Variants in ANKRD36B observed in about 807,000 individuals in gnomAD.
ANKRD36B encodes the protein ankyrin repeat domain-containing protein 36B.
In ANKRD36B, 37 loss-of-function variants were observed where a neutral mutation model predicts 135.7. The observed-to-expected ratio is 0.27, with a 90% CI of 0.21 to 0.36. The LOEUF (loss-of-function observed/expected upper bound fraction) is 0.36. Ranked by LOEUF, ANKRD36B falls within the 10% of genes least tolerant of loss-of-function variation. ANKRD36B has a pLI of 1.00. For synonymous variants in ANKRD36B, 179 were observed against 348.1 expected, an observed-to-expected ratio of 0.51 and a Z score of 5.41; for missense variants, 549 against 1,037.1, an observed-to-expected ratio of 0.53 and a Z score of 6.46.
At chr2:97,549,231 G>A (rs983338403) in intron 20 of ANKRD36B, among the ~76,000 whole-genome samples, 188 bp downstream of exon 20, 11 of 137,332 alleles carry the variant, frequency 8.0e-5, no homozygotes, top group African/African-American at 7.7e-5. Flanking sequence ...TACAGCGAAG[G>A]TCATGTTCCA....
At chr2:97,546,536 T>C (rs1185404387) in intron 22 of ANKRD36B, among the ~76,000 whole-genome samples, 1 of 151,802 alleles carries the variant, frequency 6.6e-6, no homozygotes. Context: ...AAGGATAATA[T>C]ATTAGCCTCA....
At chr2:97,531,234 T>G (rs374143011) in intron 35 of ANKRD36B, among the ~76,000 whole-genome samples, 1 of 89,208 alleles carries the variant, frequency 1.1e-5, no homozygotes, top group African/African-American at 3.3e-5. Flanking sequence ...CCATAAAAAA[T>G]GATGAGTTCA....
At chr2:97,560,785 T>G in intron 7 of ANKRD36B, 47 bp downstream of exon 7, 4 of 1,591,140 alleles carry the variant, frequency 2.5e-6, no homozygotes, top group Non-Finnish European at 3.4e-6. Context: ...GTAGGTTTCA[T>G]AGACTATACA....
In ANKRD36B at chr2:97,585,712, G is replaced by A. The variant is rs1055738468; in HGVS notation, c.162-314C>T. ...TAGCTAGCCCACAGAACACTGCTGT[G>A]ATGCTTACATAAGAATCTATGCACA... On this transcript the variant is annotated intron_variant, in intron 1 of 43. Coordinates refer to ENST00000359901, the MANE Select transcript of ANKRD36B (RefSeq NM_001393939.1). 5.3e-4 allele frequency among the ~76,000 whole-genome samples: 80 copies of A among 152,200 alleles called. 1 individual carries two copies. Among genetic ancestry groups the A allele is most frequent in the Admixed American group, 9.8e-4 (15 of 15,288 alleles).
In ANKRD36B at chr2:97,555,047, T is replaced by G; in HGVS notation, c.1171+13A>C. 1 of 1,611,340 alleles carries G rather than the reference T, an allele frequency of 6.2e-7. No homozygotes were observed. Among genetic ancestry groups the G allele is most frequent in the South Asian group, 1.1e-5 (1 of 90,994 alleles). ...GGACTGAACATGACATTAAATGTGT[T>G]TTGCAAAATTACCTGTCCCACATTG... On this transcript the variant is annotated intron_variant, in intron 14 of 43. Coordinates refer to ENST00000359901, the MANE Select transcript of ANKRD36B (RefSeq NM_001393939.1).
chr2:97,561,006 G>T (rs1432443312), intron 6 of ANKRD36B, 146 bp from the exon 7 acceptor site: 1 of 722,630 alleles, frequency 1.4e-6, no homozygotes, highest in South Asian at 2.0e-5. Flanking sequence ...TTTGTTTCTT[G>T]GGACTAAACA....
At position 97,528,812 on chromosome 2, in the gene ANKRD36B, G is replaced by C. The variant is rs1264337309; in HGVS notation, c.2265+3499C>G. ...TAAACTAGAAAATCTAGAAGAAATG[G>C]ATAAATTCCTGGACACATACACCCT... On this transcript the variant is annotated intron_variant, in intron 35 of 43. Transcript: ENST00000359901. Among the ~76,000 whole-genome samples, 6 of 95,030 alleles carry C rather than the reference G, an allele frequency of 6.3e-5. 1 individual carries two copies. Among genetic ancestry groups the C allele is most frequent in the African/African-American group, 1.6e-4 (5 of 31,572 alleles). 62.3% of individuals were successfully genotyped at this position (95,030 alleles called of 152,430 possible).
At chr2:97,561,536 T>C (rs2081024961) in intron 6 of ANKRD36B, among the ~76,000 whole-genome samples, 2 of 151,930 alleles carry the variant, frequency 1.3e-5, no homozygotes, top group Non-Finnish European at 2.9e-5. Context: ...GTATAATATA[T>C]AAACTTCATC....
chr2:97,553,863 C>T (rs1006386795), intron 14 of ANKRD36B, among the ~76,000 whole-genome samples: 2 of 151,844 alleles, frequency 1.3e-5, no homozygotes, highest in Admixed American at 6.6e-5. Context: ...ATGTACACGT[C>T]ATGTCTCTGT....
chr2:97,546,318 C>A (rs1287596620), intron 22 of ANKRD36B, among the ~76,000 whole-genome samples: 1 of 151,764 alleles, frequency 6.6e-6, no homozygotes, highest in African/African-American at 2.4e-5. Flanking sequence ...TGAGAAGGCA[C>A]AGAATTACGA....
intron 6 of ANKRD36B, among the ~76,000 whole-genome samples, chr2:97,568,661 TAAAG>T (rs926862078): frequency 6.6e-6 from 1 of 152,150 alleles, no homozygotes; most frequent in Non-Finnish European, 1.5e-5. Context: ...GAGAAGCTTA[TAAAG>T]AAATACTGGG....
At chr2:97,561,208 G>A (rs71429359) in intron 6 of ANKRD36B, among the ~76,000 whole-genome samples, 2 of 151,864 alleles carry the variant, frequency 1.3e-5, no homozygotes, top group Non-Finnish European at 2.9e-5. Context: ...CTGGGAATCA[G>A]CGTCAAAGCA....
In ANKRD36B at chr2:97,556,952, C is replaced by T; in HGVS notation, c.1054G>A (p.Gly352Arg). Residue 352 changes from glycine (G) to arginine (R), a missense_variant, in exon 12 of 44, where the codon GGG becomes AGG. By Grantham distance (125) the Gly-to-Arg change is moderately radical. Coordinates refer to ENST00000359901, the MANE Select transcript of ANKRD36B (RefSeq NM_001393939.1). Reference sequence around the variant, plus strand: ...GCCAAATTACCTGTTCCAGATTTCCCACCGCCCATTATTCTTGTGGCAATA... The same window carrying T: ...GCCAAATTACCTGTTCCAGATTTCCTACCGCCCATTATTCTTGTGGCAATA... ...LNIATRIMGG[G>R]KSGTVSSQKQ... The T allele has an allele frequency of 6.3e-7, 1 of 1,591,286 alleles. No homozygotes were observed. The highest frequency in any genetic ancestry group is 2.3e-5 in the East Asian group (1 of 43,766).
intron 35 of ANKRD36B, among the ~76,000 whole-genome samples, chr2:97,527,866 A>G (rs2078307936): frequency 1.0e-5 from 1 of 96,538 alleles, no homozygotes; most frequent in African/African-American, 3.1e-5. Context: ...TCCTAAATAT[A>G]TATGCACCCA....
chr2:97,578,184 G>T lies in ANKRD36B; in HGVS notation c.695+722C>A, dbSNP rs528696052. Among the ~76,000 whole-genome samples, 591 of 152,188 alleles carry T rather than the reference G, an allele frequency of 3.9e-3. 2 individuals are homozygous for T. The highest frequency in any genetic ancestry group is 0.012 in the African/African-American group (497 of 41,554). On this transcript the variant is annotated intron_variant, in intron 5 of 43. Coordinates refer to ENST00000359901, the MANE Select transcript of ANKRD36B (RefSeq NM_001393939.1). Reference sequence around the variant, plus strand: ...TTAGAATATCCAGCTAACAGAGCAAGGTTCTGCTGTTTTGGAAACAATGGC... The same window carrying T: ...TTAGAATATCCAGCTAACAGAGCAATGTTCTGCTGTTTTGGAAACAATGGC...
At chr2:97,588,437 T>A (rs1302650317) in intron 1 of ANKRD36B, among the ~76,000 whole-genome samples, 3 of 152,040 alleles carry the variant, frequency 2.0e-5, no homozygotes, top group Non-Finnish European at 2.9e-5. Context: ...TTTTCTAACC[T>A]GTTCCATTCA....
chr2:97,553,190 C>G lies in ANKRD36B; in HGVS notation c.1251G>C (p.Lys417Asn). The G allele has an allele frequency of 6.2e-7, 1 of 1,611,294 alleles. No individual in the cohort carries two copies. The highest frequency in any genetic ancestry group is 8.5e-7 in the Non-Finnish European group (1 of 1,178,698). The change falls in exon 16 of 44, where the codon AAG (lysine) becomes AAC (asparagine). Residue 417 changes from lysine to asparagine, a missense_variant. Physicochemically the swap from Lys to Asn is moderately conservative, Grantham distance 94. Coordinates refer to ENST00000359901, the MANE Select transcript of ANKRD36B (RefSeq NM_001393939.1). ...TACCTGTCCCAGATTTTTCTCCATC[C>G]TTTATTTCTGTGGCTATATTAGAAA... ...GSVSNIATEIKDGEKSGTVSS... is the reference protein window; with the variant it reads ...GSVSNIATEINDGEKSGTVSS...
At chr2:97,551,558 T>A in intron 16 of ANKRD36B, 78 bp from the exon 17 acceptor site, 1 of 1,593,298 alleles carries the variant, frequency 6.3e-7, no homozygotes, top group South Asian at 1.1e-5. Context: ...AGTGTTTGTA[T>A]CAACCTCTGT....
At chr2:97,531,620 T>C (rs546404396) in intron 35 of ANKRD36B, among the ~76,000 whole-genome samples, 3 of 96,294 alleles carry the variant, frequency 3.1e-5, no homozygotes, top group South Asian at 2.3e-4. Flanking sequence ...TATTGTAATA[T>C]GATTGACAGT....
Sources: allele counts gnomAD v4.1 joint callset (sites outside exome capture counted in the v4.1 genomes callset), GRCh38; gene constraint gnomAD v4.1.1; transcripts MANE v1.5; gene names NCBI Gene and HGNC (gene_info 2026-07-23, HGNC 2026-07-21).